Variants in NRG3 observed in about 807,000 individuals in gnomAD.
NRG3 encodes pro-neuregulin-3, membrane-bound isoform.
A neutral mutation model predicts 66.9 loss-of-function variants in NRG3; 31 were observed. The ratio of observed to expected loss-of-function variants is 0.46; its 90% CI spans 0.35 to 0.63. NRG3 has a LOEUF of 0.63. Among genes scored for constraint, NRG3 ranks in the 20% least tolerant of loss-of-function variants. NRG3 has a pLI of 0.00. For synonymous variants in NRG3, 393 were observed against 359.4 expected, an observed-to-expected ratio of 1.09 and a Z score of -1.06; for missense variants, 910 against 878.9, an observed-to-expected ratio of 1.04 and a Z score of -0.45.
intron 1 of NRG3, among the ~76,000 whole-genome samples, chr10:81,955,365 G>T (rs1465845244): frequency 6.6e-6 from 1 of 151,964 alleles, no homozygotes; most frequent in African/African-American, 2.4e-5. Context: ...AAGGCCATCA[G>T]ACAGGAGGAG....
intron 2 of NRG3, among the ~76,000 whole-genome samples, chr10:82,609,263 A>G (rs1321013878): frequency 3.9e-5 from 6 of 152,210 alleles, no homozygotes; most frequent in Non-Finnish European, 5.9e-5. Context: ...GTATTTAATT[A>G]GAAAATAACG....
chr10:82,696,952 C>A (rs1225518133), intron 2 of NRG3, among the ~76,000 whole-genome samples: 1 of 152,196 alleles, frequency 6.6e-6, no homozygotes, highest in East Asian at 1.9e-4. Flanking sequence ...CATTGCATTT[C>A]TGCATACGTT....
chr10:82,137,706 G>A (rs1284731858), intron 1 of NRG3, among the ~76,000 whole-genome samples: 5 of 152,192 alleles, frequency 3.3e-5, no homozygotes, highest in East Asian at 1.9e-4. Context: ...CCAGGCTTTA[G>A]TATTAAAAGA....
rs533367230 is a variant in NRG3, at chr10:82,772,446, C to T, written c.1027+33796C>T. Among the ~76,000 whole-genome samples, 4 of 152,202 alleles carry T rather than the reference C, an allele frequency of 2.6e-5. No individual in the cohort carries two copies. In the East Asian group the frequency reaches 5.8e-4, roughly 22 times the overall value. The stretch of plus-strand genomic sequence containing the variant: ...CTTGCTTAATCCTATATATCTGTCA[C>T]TTTGTGTCCTTTCCTGTATCTCCCC... On this transcript the variant is annotated intron_variant, in intron 3 of 8. Coordinates refer to ENST00000372141, the MANE Select transcript of NRG3 (RefSeq NM_001010848.4).
intron 2 of NRG3, among the ~76,000 whole-genome samples, chr10:82,645,666 T>G (rs2050878817): frequency 6.6e-6 from 1 of 152,134 alleles, no homozygotes; most frequent in Non-Finnish European, 1.5e-5. Flanking sequence ...GAATATGAAC[T>G]CTTCTTGAAT....
At chr10:82,443,306 G>A (rs1401330897) in intron 2 of NRG3, among the ~76,000 whole-genome samples, 3 of 152,050 alleles carry the variant, frequency 2.0e-5, no homozygotes, top group Admixed American at 1.3e-4. Context: ...GGTAATTTGA[G>A]TTATCACTCA....
At chr10:82,453,795 A>G (rs1441250632) in intron 2 of NRG3, among the ~76,000 whole-genome samples, 2 of 152,162 alleles carry the variant, frequency 1.3e-5, no homozygotes, top group African/African-American at 4.8e-5. Context: ...AACAGAGAGA[A>G]GGTTAAAAGC....
intron 1 of NRG3, among the ~76,000 whole-genome samples, chr10:82,040,013 A>G (rs974864544): frequency 7.4e-6 from 1 of 135,168 alleles, no homozygotes; most frequent in African/African-American, 2.5e-5. Flanking sequence ...TCCACAGCAC[A>G]AAGTTAATAA....
chr10:82,595,689 G>A (rs901125699), intron 2 of NRG3, among the ~76,000 whole-genome samples: 74 of 152,114 alleles, frequency 4.9e-4, no homozygotes, highest in African/African-American at 1.7e-3. Flanking sequence ...GGAGGTTGAG[G>A]CAGGAGAGTC....
chr10:82,530,818 C>T (rs543173753), intron 2 of NRG3, among the ~76,000 whole-genome samples: 3 of 151,808 alleles, frequency 2.0e-5, no homozygotes, highest in African/African-American at 7.2e-5. Flanking sequence ...TTTCCTGGAG[C>T]TTTGTTTTTA....
intron 1 of NRG3, among the ~76,000 whole-genome samples, chr10:82,288,285 C>T (rs1016426326): frequency 1.3e-5 from 2 of 152,182 alleles, no homozygotes; most frequent in African/African-American, 4.8e-5. Context: ...TCACAACTCT[C>T]CTGAGTGGCT....
chr10:82,135,782 A>G (rs1402189651), intron 1 of NRG3, among the ~76,000 whole-genome samples: 3 of 152,040 alleles, frequency 2.0e-5, no homozygotes, highest in Non-Finnish European at 4.4e-5. Context: ...TAAAACAGCA[A>G]TTTTGAATTC....
At chr10:82,464,766 A>G (rs1178419756) in intron 2 of NRG3, among the ~76,000 whole-genome samples, 1 of 152,188 alleles carries the variant, frequency 6.6e-6, no homozygotes, top group Admixed American at 6.5e-5. Flanking sequence ...AATTATCAGA[A>G]AAAGGGGGCT....
intron 2 of NRG3, among the ~76,000 whole-genome samples, chr10:82,692,388 CA>C (rs2055009439): frequency 6.6e-6 from 1 of 152,110 alleles, no homozygotes; most frequent in Non-Finnish European, 1.5e-5. Context: ...TCTAGTTCAG[CA>C]CTTTTTCAAT....
chr10:82,188,012 A>G (rs969006738), intron 1 of NRG3, among the ~76,000 whole-genome samples: 2 of 152,132 alleles, frequency 1.3e-5, no homozygotes, highest in African/African-American at 4.8e-5. Flanking sequence ...AGCTAAAGCT[A>G]TCCTAAGGAA....
At chr10:82,889,114 AG>A (rs1177674876) in intron 4 of NRG3, among the ~76,000 whole-genome samples, 1 of 152,168 alleles carries the variant, frequency 6.6e-6, no homozygotes, top group Admixed American at 6.5e-5. Flanking sequence ...ACTCGGTATT[AG>A]AGCTGATTTT....
intron 1 of NRG3, among the ~76,000 whole-genome samples, chr10:81,980,683 C>T (rs1461719700): frequency 6.6e-6 from 1 of 152,134 alleles, no homozygotes; most frequent in African/African-American, 2.4e-5. Flanking sequence ...GACTTCCATA[C>T]AAAATATCAT....
At chr10:82,103,068 ATCTT>A (rs2066858675) in intron 1 of NRG3, among the ~76,000 whole-genome samples, 1 of 152,134 alleles carries the variant, frequency 6.6e-6, no homozygotes, top group Non-Finnish European at 1.5e-5. Context: ...ATCTGAGAAT[ATCTT>A]TATTTTATCT....
At position 82,538,672 on chromosome 10, in the gene NRG3, T is replaced by C. The variant is rs1039266618; in HGVS notation, c.953+179804T>C. On this transcript the variant is annotated intron_variant, in intron 2 of 8. Coordinates refer to ENST00000372141, the MANE Select transcript of NRG3 (RefSeq NM_001010848.4). Reference sequence around the variant, plus strand: ...AAAGTACGAAATGAATTTGAGATTCTACAAAGAATCTCCACATTTTTTTTC... The same window carrying C: ...AAAGTACGAAATGAATTTGAGATTCCACAAAGAATCTCCACATTTTTTTTC... Among the ~76,000 whole-genome samples the C allele has an allele frequency of 3.9e-5, 6 of 152,194 alleles. No individual in the cohort carries two copies. In the East Asian group the frequency reaches 1.2e-3, roughly 29 times the overall value.
Sources: allele counts gnomAD v4.1 joint callset (sites outside exome capture counted in the v4.1 genomes callset), GRCh38; gene constraint gnomAD v4.1.1; transcripts MANE v1.5; gene names NCBI Gene and HGNC (gene_info 2026-07-23, HGNC 2026-07-21).